The following CLVS1 variants were observed in gnomAD, a reference collection of about 807,000 sequenced individuals.
The protein encoded by CLVS1 is clavesin 1.
Under a neutral mutation model 33.1 loss-of-function variants are expected in CLVS1, and 10 were observed. The observed-to-expected ratio is 0.30, with a 90% CI of 0.19 to 0.51. The LOEUF (loss-of-function observed/expected upper bound fraction) is 0.51, where lower values mean the gene tolerates loss of function less well. CLVS1 is among the 20% of genes least tolerant of loss of function. The pLI is 0.97. For missense variants in CLVS1, 343 were observed against 433.4 expected, an observed-to-expected ratio of 0.79 and a Z score of 1.85; for synonymous variants, 163 against 166.1, an observed-to-expected ratio of 0.98 and a Z score of 0.14.
intron 1 of CLVS1, among the ~76,000 whole-genome samples, chr8:61,113,839 C>T (rs116560800): frequency 0.022 from 3,297 of 152,212 alleles, 117 homozygotes; most frequent in African/African-American, 0.076. Flanking sequence ...ACTGTGTTGC[C>T]CAGGCTGGTC....
intron 5 of CLVS1, among the ~76,000 whole-genome samples, chr8:61,490,753 G>A (rs1804046567): frequency 6.6e-6 from 1 of 151,510 alleles, no homozygotes; most frequent in African/African-American, 2.4e-5. Context: ...GAGGTCAGGA[G>A]TTCAGGACCA....
chr8:61,033,061 TAGAA>T, the CLVS1 span, among the ~76,000 whole-genome samples: 122 of 43,352 alleles, frequency 2.8e-3, 4 homozygotes, highest in African/African-American at 6.0e-3. Flanking sequence ...GAAAGAAAGA[TAGAA>T]AGAAAGAAGG....
At chr8:60,998,010 A>G in the CLVS1 span, among the ~76,000 whole-genome samples, 1 of 151,938 alleles carries the variant, frequency 6.6e-6, no homozygotes, top group Non-Finnish European at 1.5e-5. Flanking sequence ...AACAGGTTGG[A>G]AGGAAGGCGT....
intron 3 of CLVS1, among the ~76,000 whole-genome samples, chr8:61,394,377 G>A (rs1814434981): frequency 6.6e-6 from 1 of 152,124 alleles, no homozygotes; most frequent in Non-Finnish European, 1.5e-5. Context: ...TTAGGTGATG[G>A]GCTGGGCCAT....
intron 1 of CLVS1, among the ~76,000 whole-genome samples, chr8:61,078,451 AGT>A (rs1241925514): frequency 1.3e-5 from 2 of 152,196 alleles, no homozygotes; most frequent in Non-Finnish European, 2.9e-5. Context: ...CTTGGTCAGA[AGT>A]GTGGAAATTC....
the CLVS1 span, among the ~76,000 whole-genome samples, chr8:61,012,387 C>G: frequency 1.3e-5 from 2 of 152,184 alleles, no homozygotes; most frequent in Admixed American, 1.3e-4. Flanking sequence ...TTCATTATAT[C>G]ATTTTTCCCA....
At chr8:61,221,366 C>G (rs1025170195) in intron 2 of CLVS1, among the ~76,000 whole-genome samples, 16 of 152,136 alleles carry the variant, frequency 1.1e-4, no homozygotes, top group African/African-American at 3.4e-4. Context: ...CCATCAATAC[C>G]TAGTCCATTG....
intron 5 of CLVS1, among the ~76,000 whole-genome samples, chr8:61,459,942 C>T (rs892396726): frequency 8.5e-5 from 13 of 152,280 alleles, no homozygotes; most frequent in African/African-American, 1.9e-4. Context: ...CGTCCTTACA[C>T]GGTTTTCCTT....
chr8:61,480,658 C>T (rs189739083), intron 5 of CLVS1, among the ~76,000 whole-genome samples: 1 of 152,196 alleles, frequency 6.6e-6, no homozygotes, highest in African/African-American at 2.4e-5. Context: ...CAGAAATCAC[C>T]CATCTTCTGC....
At chr8:61,334,658 A>G (rs1411843435) in intron 2 of CLVS1, among the ~76,000 whole-genome samples, 1 of 152,186 alleles carries the variant, frequency 6.6e-6, no homozygotes, top group Non-Finnish European at 1.5e-5. Context: ...TGGGACAAAT[A>G]AATATATAGG....
intron 5 of CLVS1, among the ~76,000 whole-genome samples, chr8:61,474,966 G>A (rs565521633): frequency 6.6e-6 from 1 of 152,154 alleles, no homozygotes; most frequent in East Asian, 1.9e-4. Context: ...CCCACAACAG[G>A]CCCCAGTGTG....
chr8:61,104,965 A>C (rs879916813), intron 1 of CLVS1, among the ~76,000 whole-genome samples: 1 of 152,122 alleles, frequency 6.6e-6, no homozygotes, highest in Non-Finnish European at 1.5e-5. Context: ...AGTAGCTGAG[A>C]TTACAGGCAC....
chr8:61,090,880 G>T (rs1421132733), intron 1 of CLVS1: 4 of 518,714 alleles, frequency 7.7e-6, no homozygotes, highest in African/African-American at 1.9e-5. Context: ...TGAGATTTTG[G>T]ACTTGAAGCT....
At chr8:61,276,896 A>G (rs1244281715) in intron 2 of CLVS1, among the ~76,000 whole-genome samples, 1 of 152,220 alleles carries the variant, frequency 6.6e-6, no homozygotes, top group African/African-American at 2.4e-5. Context: ...CTTCAGTCCA[A>G]TGTCCCAAAT....
chr8:61,165,934 C>A (rs1309730673), intron 2 of CLVS1, among the ~76,000 whole-genome samples: 1 of 151,956 alleles, frequency 6.6e-6, no homozygotes, highest in East Asian at 1.9e-4. Context: ...ATGTTATCAG[C>A]CTTTTGTGTG....
intron 2 of CLVS1, among the ~76,000 whole-genome samples, chr8:61,368,202 A>G (rs2129600794): frequency 6.6e-6 from 1 of 152,352 alleles, no homozygotes; most frequent in African/African-American, 2.4e-5. Flanking sequence ...ACATGCACAC[A>G]CACAGTGATA....
chr8:61,011,777 G>A, the CLVS1 span, among the ~76,000 whole-genome samples: 1 of 152,164 alleles, frequency 6.6e-6, no homozygotes, highest in African/African-American at 2.4e-5. Context: ...TCCATTATGA[G>A]TGTGGTGACC....
chr8:61,070,505 C>T (rs147170645), intron 1 of CLVS1, among the ~76,000 whole-genome samples: 3 of 152,366 alleles, frequency 2.0e-5, no homozygotes, highest in African/African-American at 7.2e-5. Flanking sequence ...GTTTTCCCAT[C>T]TTCCACCCCT....
intron 3 of CLVS1, among the ~76,000 whole-genome samples, chr8:61,405,084 A>G (rs967404868): frequency 2.0e-5 from 3 of 152,254 alleles, no homozygotes. Context: ...AATGTTATGC[A>G]GAACTCTCTG....
Sources: gnomAD v4.1 joint callset for allele counts (sites outside exome capture counted in the v4.1 genomes callset) on GRCh38, gnomAD v4.1.1 for gene constraint, MANE v1.5 for transcripts, NCBI Gene and HGNC (gene_info 2026-07-23, HGNC 2026-07-21) for gene names.